PREX2: variants seen among roughly 807,000 people sequenced by gnomAD.
The protein encoded by PREX2 is phosphatidylinositol 3,4,5-trisphosphate-dependent Rac exchanger 2 protein.
A neutral mutation model predicts 203.2 loss-of-function variants in PREX2; 107 were observed. That is an observed-to-expected ratio of 0.53 (90% CI 0.45 to 0.62). The LOEUF is 0.62. PREX2 is among the 20% of genes least tolerant of loss of function. PREX2 has a pLI of 0.00. For synonymous variants in PREX2, 672 were observed against 663.6 expected, an observed-to-expected ratio of 1.01 and a Z score of -0.19; for missense variants, 1,777 against 1,955.9, an observed-to-expected ratio of 0.91 and a Z score of 1.72.
chr8:68,080,690 A>C, intron 16 of PREX2, 56 bp from the exon 17 acceptor site: 2 of 1,457,194 alleles, frequency 1.4e-6, no homozygotes, highest in Non-Finnish European at 1.9e-6. Context: ...GTTCTGTTTG[A>C]CTTGTAATTT....
At chr8:68,101,531 T>A (rs1469263038) in intron 23 of PREX2, 4 of 499,456 alleles carry the variant, frequency 8.0e-6, no homozygotes, top group Non-Finnish European at 1.6e-5. Flanking sequence ...CTTGTTGGAG[T>A]TGAAGGACAG....
intron 31 of PREX2, among the ~76,000 whole-genome samples, chr8:68,128,791 AATTAC>A (rs940554269): frequency 3.0e-4 from 46 of 152,294 alleles, no homozygotes; most frequent in African/African-American, 1.1e-3. Flanking sequence ...AGGGTCTCAA[AATTAC>A]ATTACAAGAG....
intron 37 of PREX2, among the ~76,000 whole-genome samples, chr8:68,210,086 T>G (rs1254377660): frequency 1.3e-5 from 2 of 152,226 alleles, no homozygotes; most frequent in African/African-American, 4.8e-5. Context: ...GTGATTTCAG[T>G]GTATTTTTCT....
At chr8:68,016,442 A>G (rs571916986) in intron 1 of PREX2, among the ~76,000 whole-genome samples, 89 of 152,268 alleles carry the variant, frequency 5.8e-4, no homozygotes, top group Admixed American at 8.5e-4. Flanking sequence ...ATAGTAGTCT[A>G]TAATTTGAAT....
rs370823895 is a variant in PREX2, at chr8:68,069,155, A to G, written c.1443+19A>G. ...TTCAAAGGTAACGACCTCTCCCACAACCTCTCCAATAGTAGAATGCATGTT... is the reference window on the plus strand; with the variant it reads ...TTCAAAGGTAACGACCTCTCCCACAGCCTCTCCAATAGTAGAATGCATGTT... On this transcript the variant is annotated intron_variant, in intron 12 of 39. Coordinates refer to ENST00000288368, the MANE Select transcript of PREX2 (RefSeq NM_024870.4). 2.6e-6 allele frequency: 3 copies of G among 1,150,808 alleles called. No homozygotes were observed. The highest frequency in any genetic ancestry group is 1.9e-4 in the Middle Eastern group (1 of 5,154). The allele number at this position is 1,150,808 out of a possible 1,614,324, so 71.3% of individuals were successfully genotyped here. A position where few individuals can be genotyped will look rare whatever the true frequency, so the allele number is the denominator to read the frequency against.
At chr8:67,986,707 AG>A (rs1277841431) in intron 1 of PREX2, among the ~76,000 whole-genome samples, 1 of 152,132 alleles carries the variant, frequency 6.6e-6, no homozygotes, top group East Asian at 1.9e-4. Context: ...AACCTTATGG[AG>A]TTGAAGAACA....
At chr8:68,005,572 C>T (rs1333359318) in intron 1 of PREX2, among the ~76,000 whole-genome samples, 1 of 152,174 alleles carries the variant, frequency 6.6e-6, no homozygotes, top group Non-Finnish European at 1.5e-5. Context: ...TCCTTTGGGT[C>T]GTACATACCC....
At chr8:68,014,204 A>T (rs1362311406) in intron 1 of PREX2, among the ~76,000 whole-genome samples, 1 of 152,186 alleles carries the variant, frequency 6.6e-6, no homozygotes, top group Admixed American at 6.5e-5. Context: ...TTGATTCTTG[A>T]TAGCAAATTT....
chr8:67,952,711 G>A (rs1211404230), intron 1 of PREX2, 176 bp downstream of exon 1: 1 of 863,764 alleles, frequency 1.2e-6, no homozygotes, highest in Non-Finnish European at 1.8e-6. Context: ...TGACCCCCGC[G>A]GGGATTTGTT....
At chr8:68,160,953 A>G (rs1460375510) in intron 35 of PREX2, among the ~76,000 whole-genome samples, 1 of 152,196 alleles carries the variant, frequency 6.6e-6, no homozygotes, top group Non-Finnish European at 1.5e-5. Flanking sequence ...CCTTTGCATC[A>G]GTGTATTATT....
intron 15 of PREX2, among the ~76,000 whole-genome samples, 184 bp from the exon 16 acceptor site, chr8:68,080,259 A>G (rs1272686251): frequency 6.9e-6 from 1 of 145,042 alleles, no homozygotes; most frequent in Non-Finnish European, 1.5e-5. Context: ...GAAAGGAGAC[A>G]TTGGCTCGAA....
chr8:68,109,631 T>C lies in PREX2; in HGVS notation c.3146+8T>C, dbSNP rs1475325434. Reference sequence around the variant, plus strand: ...TGTTTGTCAAATAGATGAGTAAGTGTTTTGTACTACACTTTTAAGTTTGCC... The same window carrying C: ...TGTTTGTCAAATAGATGAGTAAGTGCTTTGTACTACACTTTTAAGTTTGCC... On this transcript the variant is annotated splice_region_variant and intron_variant, in intron 25 of 39. Transcript: ENST00000288368. 2.5e-6 allele frequency: 4 copies of C among 1,609,200 alleles called. No individual in the cohort carries two copies. The highest frequency in any genetic ancestry group is 2.7e-5 in the African/African-American group (2 of 74,824).
intron 30 of PREX2, among the ~76,000 whole-genome samples, chr8:68,123,498 G>A (rs1370185367): frequency 6.6e-6 from 1 of 151,744 alleles, no homozygotes. Context: ...AGCTGGGCTA[G>A]TAAAGAAGAA....
chr8:67,955,381 G>A (rs79971704), intron 1 of PREX2, among the ~76,000 whole-genome samples: 230 of 152,144 alleles, frequency 1.5e-3, no homozygotes, highest in African/African-American at 5.1e-3. Context: ...GGCACACACC[G>A]CTGTTTGAAC....
At chr8:67,979,724 C>T (rs62520678) in intron 1 of PREX2, among the ~76,000 whole-genome samples, 17,379 of 152,146 alleles carry the variant, frequency 0.11, 1,136 homozygotes, top group African/African-American at 0.19. Context: ...AAACAAATGC[C>T]ATACACTTTC....
chr8:68,188,656 A>G (rs1239796412), intron 35 of PREX2, among the ~76,000 whole-genome samples: 3 of 152,206 alleles, frequency 2.0e-5, no homozygotes, highest in Non-Finnish European at 4.4e-5. Flanking sequence ...CACATCTTAC[A>G]TGGAGGCAGG....
At chr8:68,014,530 C>T (rs1300390649) in intron 1 of PREX2, among the ~76,000 whole-genome samples, 1 of 152,114 alleles carries the variant, frequency 6.6e-6, no homozygotes, top group Non-Finnish European at 1.5e-5. Flanking sequence ...GTGTCTGCAT[C>T]TCCCTACCCT....
chr8:67,969,903 A>AAG (rs1484861245), intron 1 of PREX2, among the ~76,000 whole-genome samples: 1 of 152,334 alleles, frequency 6.6e-6, no homozygotes, highest in African/African-American at 2.4e-5. Context: ...AAACAAAAGG[A>AAG]AGAGAGTTAG....
chr8:68,226,208 G>A (rs1182258177), intron 39 of PREX2, among the ~76,000 whole-genome samples: 1 of 152,014 alleles, frequency 6.6e-6, no homozygotes, highest in Non-Finnish European at 1.5e-5. Context: ...ATTTATTGAG[G>A]ACCTCAGAAA....
Sources: allele counts gnomAD v4.1 joint callset (sites outside exome capture counted in the v4.1 genomes callset), GRCh38; gene constraint gnomAD v4.1.1; transcripts MANE v1.5; gene names NCBI Gene and HGNC (gene_info 2026-07-23, HGNC 2026-07-21).